The following NDRG3 variants were observed in gnomAD, a reference collection of about 807,000 sequenced individuals.
NDRG3 encodes NDRG family member 3.
A neutral mutation model predicts 57.2 loss-of-function variants in NDRG3; 23 were observed. The observed-to-expected ratio is 0.40, with a 90% CI of 0.29 to 0.57. The LOEUF (loss-of-function observed/expected upper bound fraction) is 0.57. NDRG3 is among the 20% of genes least tolerant of loss of function. The pLI, the probability that NDRG3 is intolerant of heterozygous loss-of-function variation, is 0.42. For missense variants in NDRG3, 384 were observed against 457.3 expected (o/e 0.84, Z 1.46); for synonymous variants, 132 against 162.6 (o/e 0.81, Z 1.43).
At chr20:36,680,770 G>T in intron 8 of NDRG3, 46 bp downstream of exon 8, 1 of 1,508,768 alleles carries the variant, frequency 6.6e-7, no homozygotes, top group Non-Finnish European at 9.2e-7. Flanking sequence ...AAGCTGTTTT[G>T]AGATGGGCCA....
chr20:36,686,386 T>C (rs1981784909), intron 5 of NDRG3, among the ~76,000 whole-genome samples: 1 of 152,112 alleles, frequency 6.6e-6, no homozygotes, highest in African/African-American at 2.4e-5. Context: ...TCCCATAGGG[T>C]TGTGAGGAGT....
intron 8 of NDRG3, among the ~76,000 whole-genome samples, chr20:36,677,740 G>A (rs1448147557): frequency 6.6e-6 from 1 of 152,122 alleles, no homozygotes; most frequent in East Asian, 1.9e-4. Context: ...CTACAGAGAG[G>A]AGCTACCCAT....
intron 2 of NDRG3, among the ~76,000 whole-genome samples, chr20:36,709,256 G>C (rs1196951393): frequency 2.6e-5 from 4 of 152,054 alleles, no homozygotes; most frequent in Non-Finnish European, 5.9e-5. Flanking sequence ...TCATACTCTT[G>C]GGCAGTACAG....
At chr20:36,721,061 C>T (rs995840239) in intron 2 of NDRG3, among the ~76,000 whole-genome samples, 1 of 150,996 alleles carries the variant, frequency 6.6e-6, no homozygotes, top group African/African-American at 2.4e-5. Flanking sequence ...CAGGTGTGAG[C>T]CACTGCGCCC....
chr20:36,685,157 T>C (rs1180083674), intron 5 of NDRG3, among the ~76,000 whole-genome samples: 1 of 152,114 alleles, frequency 6.6e-6, no homozygotes, highest in Non-Finnish European at 1.5e-5. Flanking sequence ...AAAGGGGGTC[T>C]TGGTCTACTG....
rs562520812 is a variant in NDRG3, at chr20:36,683,113, G to A, written c.384-535C>T. 7.3e-5 allele frequency among the ~76,000 whole-genome samples: 11 copies of A among 151,512 alleles called. No individual in the cohort carries two copies. The East Asian group carries it at 1.4e-3, about 19-fold the overall frequency. On this transcript the variant is annotated intron_variant, in intron 6 of 15. Coordinates refer to ENST00000349004, the MANE Select transcript of NDRG3 (RefSeq NM_032013.4). ...AAAAAAATTAACCAGACATGGTGGC[G>A]GGCACCTGTAGTCCCAGCTGCTCGG... is the stretch of plus-strand genomic sequence containing the variant.
chr20:36,654,713 G>A (rs1978500245), intron 15 of NDRG3: 5 of 769,898 alleles, frequency 6.5e-6, no homozygotes, highest in Non-Finnish European at 9.7e-6. Context: ...GGCTCTCACT[G>A]CATAGGAAGA....
chr20:36,668,799 TAGAG>T (rs983374728), intron 9 of NDRG3: 9 of 151,244 alleles, frequency 6.0e-5, no homozygotes, highest in East Asian at 1.9e-4. Flanking sequence ...TAGTTATATA[TAGAG>T]AGAGATAAAT....
At chr20:36,688,373 TTA>T (rs917591652) in intron 4 of NDRG3, among the ~76,000 whole-genome samples, 2 of 132,622 alleles carry the variant, frequency 1.5e-5, no homozygotes, top group African/African-American at 6.9e-5. Context: ...TGAAACATAT[TTA>T]AAAAAAAAAA....
intron 2 of NDRG3, among the ~76,000 whole-genome samples, chr20:36,718,229 A>C (rs1984387788): frequency 6.6e-6 from 1 of 152,142 alleles, no homozygotes; most frequent in Non-Finnish European, 1.5e-5. Flanking sequence ...GGGGAGAGGG[A>C]GGCTAACGGG....
At chr20:36,658,907 G>A (rs1978911747) in intron 13 of NDRG3, among the ~76,000 whole-genome samples, 1 of 150,870 alleles carries the variant, frequency 6.6e-6, no homozygotes, top group Admixed American at 6.6e-5. Flanking sequence ...TGCATATACA[G>A]AATTTACATC....
chr20:36,730,198 G>C (rs1350494361), intron 1 of NDRG3, among the ~76,000 whole-genome samples: 1 of 150,588 alleles, frequency 6.6e-6, no homozygotes, highest in Non-Finnish European at 1.5e-5. Flanking sequence ...AGTGAGGTGA[G>C]ATTGTGCCAC....
At chr20:36,708,612 C>T (rs374961353) in intron 2 of NDRG3, among the ~76,000 whole-genome samples, 1 of 135,380 alleles carries the variant, frequency 7.4e-6, no homozygotes, top group African/African-American at 2.8e-5. Flanking sequence ...TGAGCCATTG[C>T]GTGTCAGCCT....
chr20:36,701,647 A>C (rs1983233391), intron 3 of NDRG3, among the ~76,000 whole-genome samples: 2 of 149,332 alleles, frequency 1.3e-5, no homozygotes, highest in African/African-American at 5.0e-5. Flanking sequence ...TCCTGGGTTC[A>C]AGCAATTTTC....
intron 1 of NDRG3, among the ~76,000 whole-genome samples, chr20:36,740,128 T>G (rs2032757172): frequency 6.6e-6 from 1 of 152,118 alleles, no homozygotes; most frequent in South Asian, 2.1e-4. Context: ...AAATTAATCT[T>G]CATTTACTAT....
chr20:36,724,065 T>C (rs543996358), intron 1 of NDRG3, among the ~76,000 whole-genome samples: 35 of 152,298 alleles, frequency 2.3e-4, no homozygotes, highest in African/African-American at 8.4e-4. Context: ...TGACATGATT[T>C]TGATTTAATT....
intron 1 of NDRG3, 134 bp downstream of exon 1, chr20:36,745,911 G>T: frequency 4.6e-6 from 1 of 216,008 alleles, no homozygotes; most frequent in Non-Finnish European, 9.2e-6. Context: ...GGGCACGGGG[G>T]AGGCAAGCAG....
At chr20:36,668,617 C>G (rs1057165420) in intron 9 of NDRG3, 1 of 151,512 alleles carries the variant, frequency 6.6e-6, no homozygotes, top group Non-Finnish European at 1.5e-5. Flanking sequence ...GGAATTCAAT[C>G]TGTAACTAAC....
intron 1 of NDRG3, among the ~76,000 whole-genome samples, chr20:36,744,234 C>T (rs1289360231): frequency 1.3e-5 from 2 of 152,100 alleles, no homozygotes; most frequent in Non-Finnish European, 2.9e-5. Context: ...AGACTCTTAT[C>T]TGCAAGTTTT....
Sources: allele counts gnomAD v4.1 joint callset (sites outside exome capture counted in the v4.1 genomes callset), GRCh38; gene constraint gnomAD v4.1.1; transcripts MANE v1.5; gene names NCBI Gene and HGNC (gene_info 2026-07-23, HGNC 2026-07-21).